The following ALDH1L2 variants were observed in gnomAD, a reference collection of about 807,000 sequenced individuals.
ALDH1L2 encodes mitochondrial 10-formyltetrahydrofolate dehydrogenase.
ALDH1L2 carries 91 observed loss-of-function variants against 111.0 expected under a neutral mutation model. The ratio of observed to expected loss-of-function variants is 0.82; its 90% CI spans 0.69 to 0.98. ALDH1L2 has a LOEUF of 0.98. ALDH1L2 is among the 50% of genes least tolerant of loss of function. The pLI, the probability that ALDH1L2 is intolerant of heterozygous loss-of-function variation, is 0.00. For synonymous variants in ALDH1L2, 374 were observed against 392.6 expected, an observed-to-expected ratio of 0.95 and a Z score of 0.56; for missense variants, 995 against 1,126.8, an observed-to-expected ratio of 0.88 and a Z score of 1.67.
chr12:105,059,928 A>C (rs577791435), intron 9 of ALDH1L2, among the ~76,000 whole-genome samples: 22 of 152,248 alleles, frequency 1.4e-4, no homozygotes, highest in Non-Finnish European at 3.2e-4. Flanking sequence ...GGGACTGCAC[A>C]GTCCCTGGTG....
chr12:105,024,123 CT>C lies in ALDH1L2; in HGVS notation c.*300del. 1 of 484,392 alleles carries C rather than the reference CT, an allele frequency of 2.1e-6. No individual in the cohort carries two copies. The highest frequency in any genetic ancestry group is 2.5e-5 in the South Asian group (1 of 39,950). 30.0% of individuals were successfully genotyped at this position (484,392 alleles called of 1,614,324 possible). Reference sequence around the variant, plus strand: ...TATTATAACTGCATGGTACTGACATCTTCAAGATGGGAACCATGAATAGATT... The same window carrying C: ...TATTATAACTGCATGGTACTGACATCTCAAGATGGGAACCATGAATAGATT... On this transcript the variant is annotated 3_prime_UTR_variant, in exon 23 of 23. Coordinates refer to ENST00000258494, the MANE Select transcript of ALDH1L2 (RefSeq NM_001034173.4).
intron 10 of ALDH1L2, 81 bp downstream of exon 10, chr12:105,057,992 C>A (rs1436260660): frequency 7.0e-7 from 1 of 1,420,692 alleles, no homozygotes; most frequent in Non-Finnish European, 9.3e-7. Context: ...AATATAAAAA[C>A]AAATGGGCAA....
Position 105,052,793 on chromosome 12 carries a change from A to G in ALDH1L2, c.1407+19T>C. ...AATCCATGACCAGTGATCACTACTC[A>G]CACTAAAGAATTACTCACAGATCCA... On this transcript the variant is annotated intron_variant, in intron 11 of 22. Coordinates refer to ENST00000258494, the MANE Select transcript of ALDH1L2 (RefSeq NM_001034173.4). 3.7e-6 allele frequency: 6 copies of G among 1,613,836 alleles called. No individual in the cohort carries two copies. The highest frequency in any genetic ancestry group is 4.2e-6 in the Non-Finnish European group (5 of 1,179,872).
chr12:105,026,484 G>A (rs1205524363), intron 22 of ALDH1L2, 61 bp downstream of exon 22: 11 of 1,584,486 alleles, frequency 6.9e-6, no homozygotes, highest in Non-Finnish European at 9.5e-6. Flanking sequence ...ATGAAACATA[G>A]AGCAGATTTT....
chr12:105,066,736 A>G lies in ALDH1L2; in HGVS notation c.595-67T>C. ...ACAATGGCATGGTCTATTTGACTAA[A>G]GTTTCTGCATAACAGAATTACTACC... On this transcript the variant is annotated intron_variant, in intron 4 of 22. Transcript: ENST00000258494. 6 of 1,349,400 alleles carry G rather than the reference A, an allele frequency of 4.4e-6. No individual in the cohort carries two copies. In the South Asian group the frequency reaches 5.9e-5, roughly 13 times the overall value. The allele number at this position is 1,349,400 out of a possible 1,614,324, so 83.6% of individuals were successfully genotyped here.
At chr12:105,028,180 G>A (rs976285042) in intron 21 of ALDH1L2, among the ~76,000 whole-genome samples, 9 of 152,098 alleles carry the variant, frequency 5.9e-5, no homozygotes, top group Non-Finnish European at 1.0e-4. Flanking sequence ...GTGCGATCTC[G>A]GCTCACTGCA....
intron 18 of ALDH1L2, among the ~76,000 whole-genome samples, chr12:105,035,924 A>G (rs143993122): frequency 0.12 from 7,451 of 63,644 alleles, 1,467 homozygotes; most frequent in African/African-American, 0.26. Flanking sequence ...ATATATATAC[A>G]TATATTTATA....
rs1195129438 is a variant in ALDH1L2 at position 105,039,746 on chromosome 12, C to A, written c.2012G>T (p.Gly671Val). The A allele has an allele frequency of 1.2e-6, 2 of 1,613,932 alleles. No individual in the cohort carries two copies. Among genetic ancestry groups the A allele is most frequent in the South Asian group, 2.2e-5 (2 of 91,068 alleles). The change falls in exon 17 of 23, where the codon GGA (glycine) becomes GTA (valine). Residue 671 changes from glycine (G) to valine (V), a missense_variant. By Grantham distance (109) the Gly-to-Val change is moderately radical. Transcript: ENST00000258494. ...HPDIRKLGFT[G>V]STPIGKQIMK... ...GATCTGTTTGCCAATAGGAGTGGAT[C>A]CAGTGAAACCAAGTTTGCGGATGTC...
chr12:105,056,486 G>T (rs1050982800), intron 10 of ALDH1L2, among the ~76,000 whole-genome samples: 2 of 151,826 alleles, frequency 1.3e-5, no homozygotes, highest in Non-Finnish European at 2.9e-5. Context: ...ACTGGTAAAG[G>T]TAACTACACA....
chr12:105,035,780 T>C (rs1380802528), intron 18 of ALDH1L2, among the ~76,000 whole-genome samples: 1 of 150,280 alleles, frequency 6.7e-6, no homozygotes, highest in Admixed American at 6.7e-5. Context: ...AAATTCAGTT[T>C]CTAATTCACC....
chr12:105,032,013 T>C, intron 19 of ALDH1L2, 79 bp from the exon 20 acceptor site: 1 of 1,465,814 alleles, frequency 6.8e-7, no homozygotes, highest in African/African-American at 1.4e-5. Flanking sequence ...GGTGTTATAC[T>C]AAGGTGTTTA....
chr12:105,070,775 C>T lies in ALDH1L2; in HGVS notation c.223G>A (p.Val75Met). Residue 75 changes from valine (V) to methionine (M), a missense_variant, in exon 3 of 23, where the codon GTG (valine) becomes ATG (methionine). Physicochemically the swap from Val to Met is conservative, Grantham distance 21. Transcript: ENST00000258494. ...ALAAEKDGTP[V>M]FKLPKWRVKG... ...ACCCTCCATTTAGGAAGCTTGAACA[C>T]AGGGGTCCCATCTTTCTCTGCAGCC... 2 of 1,614,046 alleles carry T rather than the reference C, an allele frequency of 1.2e-6. No homozygotes were observed. Among genetic ancestry groups the T allele is most frequent in the Non-Finnish European group, 1.7e-6 (2 of 1,179,998 alleles).
intron 1 of ALDH1L2, chr12:105,074,294 C>T (rs1592809360): frequency 4.0e-6 from 1 of 251,214 alleles, no homozygotes; most frequent in East Asian, 1.0e-4. Flanking sequence ...CCTGTCTCTA[C>T]TAAAAATACA....
At chr12:105,037,876 T>C (rs1875252805) in intron 18 of ALDH1L2, among the ~76,000 whole-genome samples, 1 of 151,918 alleles carries the variant, frequency 6.6e-6, no homozygotes, top group African/African-American at 2.4e-5. Context: ...GAGATTCTCC[T>C]GCCTCAGCCT....
chr12:105,077,799 C>T (rs1345095), intron 1 of ALDH1L2, among the ~76,000 whole-genome samples: 14,351 of 150,976 alleles, frequency 0.095, 783 homozygotes, highest in East Asian at 0.23. Context: ...AGGCACAGTG[C>T]GAAGAGTCTG....
Position 105,050,094 on chromosome 12 carries a change from A to G in ALDH1L2, c.1536-36T>C, listed in dbSNP as rs199763984. On this transcript the variant is annotated intron_variant, in intron 12 of 22. Transcript: ENST00000258494. ...AGTGAAAGAAATAAATTCAACAAGTATTGATTGAGCTCCTGTCACATATAA... is the reference window on the plus strand; with the variant it reads ...AGTGAAAGAAATAAATTCAACAAGTGTTGATTGAGCTCCTGTCACATATAA... The G allele has an allele frequency of 2.9e-4, 451 of 1,530,156 alleles. 1 individual carries two copies. The African/African-American group carries it at 4.9e-3, about 17-fold the overall frequency. The allele number at this position is 1,530,156 out of a possible 1,614,324, so 94.8% of individuals were successfully genotyped here.
rs941450247 is a variant in ALDH1L2 at position 105,029,818 on chromosome 12, T to A, written c.2516+506A>T. 3.9e-5 allele frequency among the ~76,000 whole-genome samples: 6 copies of A among 152,328 alleles called. 1 individual carries two copies. The highest frequency in any genetic ancestry group is 1.3e-4 in the Admixed American group (2 of 15,304). On this transcript the variant is annotated intron_variant, in intron 21 of 22. Coordinates refer to ENST00000258494, the MANE Select transcript of ALDH1L2 (RefSeq NM_001034173.4). ...TCAGTTAGCACTTGGACCTCTTCGATAAGCTGAACTCTTTGCAAAGTTTCA... is the reference window on the plus strand; with the variant it reads ...TCAGTTAGCACTTGGACCTCTTCGAAAAGCTGAACTCTTTGCAAAGTTTCA...
At chr12:105,051,694 T>C (rs1188174507) in intron 12 of ALDH1L2, among the ~76,000 whole-genome samples, 1 of 152,152 alleles carries the variant, frequency 6.6e-6, no homozygotes, top group African/African-American at 2.4e-5. Context: ...TCATATTAGG[T>C]GAATACTAGA....
At chr12:105,039,236 T>C (rs1280595565) in intron 17 of ALDH1L2, among the ~76,000 whole-genome samples, 2 of 150,908 alleles carry the variant, frequency 1.3e-5, no homozygotes, top group Non-Finnish European at 2.9e-5. Context: ...AAATTCTCTA[T>C]GAACATGACT....
Sources: allele counts gnomAD v4.1 joint callset (sites outside exome capture counted in the v4.1 genomes callset), GRCh38; gene constraint gnomAD v4.1.1; transcripts MANE v1.5; gene names NCBI Gene and HGNC (gene_info 2026-07-23, HGNC 2026-07-21).